Variants in TTC7B observed in about 807,000 individuals in gnomAD.
TTC7B encodes the protein tetratricopeptide repeat protein 7B.
TTC7B carries 28 observed loss-of-function variants against 106.8 expected under a neutral mutation model. The ratio of observed to expected loss-of-function variants is 0.26; its 90% CI spans 0.19 to 0.36. TTC7B has a LOEUF of 0.36. Ranked by LOEUF, TTC7B falls within the 10% of genes least tolerant of loss-of-function variation. The pLI is 1.00. For synonymous variants in TTC7B, 405 were observed against 430.6 expected (o/e 0.94, Z 0.74); for missense variants, 862 against 1,076.4 (o/e 0.80, Z 2.79).
At position 90,527,700 on chromosome 14, in the gene TTC7B, C is replaced by T. The variant is rs563944987; in HGVS notation, c.*13668G>A. On this transcript the variant is annotated 3_prime_UTR_variant, in exon 20 of 20. Transcript: ENST00000328459. ...TCAGCCTCCCGAGTAGCTGGGACTA[C>T]AGGTGTCTGCCACCATGCCCAGCTA... 33 of 151,822 alleles carry T rather than the reference C, an allele frequency of 2.2e-4. No individual in the cohort carries two copies. The highest frequency in any genetic ancestry group is 4.4e-4 in the Non-Finnish European group (30 of 68,024). 9.4% of individuals were successfully genotyped at this position (151,822 alleles called of 1,614,324 possible). A position where few individuals can be genotyped will look rare whatever the true frequency, so the allele number is the denominator to read the frequency against.
At chr14:90,580,139 G>A (rs901189592) in intron 18 of TTC7B, among the ~76,000 whole-genome samples, 3 of 152,260 alleles carry the variant, frequency 2.0e-5, no homozygotes, top group Non-Finnish European at 2.9e-5. Context: ...TAAGCGACAT[G>A]AGGGCAGGGA....
intron 5 of TTC7B, among the ~76,000 whole-genome samples, chr14:90,707,722 T>G (rs778303133): frequency 2.6e-5 from 4 of 152,160 alleles, no homozygotes; most frequent in Admixed American, 6.5e-5. Flanking sequence ...CAAAGCCTAA[T>G]CTAGAGCAAG....
intron 5 of TTC7B, among the ~76,000 whole-genome samples, chr14:90,718,864 G>A (rs78195301): frequency 0.011 from 1,594 of 151,256 alleles, 46 homozygotes; most frequent in Non-Finnish European, 0.017. Flanking sequence ...TGCCCAAGTG[G>A]AACTTAGGTT....
chr14:90,558,962 C>T (rs575760577), intron 19 of TTC7B, among the ~76,000 whole-genome samples: 24 of 152,312 alleles, frequency 1.6e-4, no homozygotes, highest in East Asian at 7.7e-4. Context: ...CATAGGGGCG[C>T]GGAAATGATG....
At chr14:90,798,745 T>A (rs1012689753) in intron 1 of TTC7B, among the ~76,000 whole-genome samples, 11 of 137,092 alleles carry the variant, frequency 8.0e-5, no homozygotes, top group Admixed American at 1.5e-4. Context: ...CGCAATAACA[T>A]GTTTTCTTAT....
chr14:90,698,944 C>A, intron 5 of TTC7B: 1 of 332,912 alleles, frequency 3.0e-6, no homozygotes, highest in Non-Finnish European at 5.8e-6. Flanking sequence ...CTTCCCTTGA[C>A]CTACTTCCAT....
At chr14:90,713,066 T>C (rs1294023086) in intron 5 of TTC7B, among the ~76,000 whole-genome samples, 2 of 152,148 alleles carry the variant, frequency 1.3e-5, no homozygotes, top group African/African-American at 2.4e-5. Flanking sequence ...AACAATCCAA[T>C]TGAAAACAGG....
intron 7 of TTC7B, among the ~76,000 whole-genome samples, chr14:90,682,126 A>G (rs970483239): frequency 1.3e-5 from 2 of 149,650 alleles, no homozygotes; most frequent in African/African-American, 4.9e-5. Context: ...AACATGAATC[A>G]TTTTTTTTTT....
rs1017324425 is a variant in TTC7B, at chr14:90,759,665, G to A, written c.446-14743C>T. Among the ~76,000 whole-genome samples the A allele has an allele frequency of 6.6e-6, 1 of 152,252 alleles. No individual in the cohort carries two copies. Among genetic ancestry groups the A allele is most frequent in the African/African-American group, 2.4e-5 (1 of 41,468 alleles). ...AGCTCGTCGGTGAGTGTAGGCAGAA[G>A]AGGCATTAGACACAAGAGTATTTGT... On this transcript the variant is annotated intron_variant, in intron 3 of 19. Coordinates refer to ENST00000328459, the MANE Select transcript of TTC7B (RefSeq NM_001010854.2). The surrounding 1 kb of genome is among the most constrained non-coding windows in gnomAD (Gnocchi z 4.1).
At chr14:90,610,672 A>T in intron 17 of TTC7B, 70 bp downstream of exon 17, 1 of 1,130,470 alleles carries the variant, frequency 8.8e-7, no homozygotes, top group South Asian at 1.2e-5. Context: ...GTCTCATCCC[A>T]TGTCACTTGG....
chr14:90,720,250 C>T (rs996912685), intron 5 of TTC7B, among the ~76,000 whole-genome samples: 7 of 152,204 alleles, frequency 4.6e-5, no homozygotes, highest in African/African-American at 1.4e-4. Flanking sequence ...AGGAAAACCC[C>T]CCATGACCAC....
Position 90,593,603 on chromosome 14 carries a change from C to T in TTC7B, c.1990G>A (p.Ala664Thr), listed in dbSNP as rs1226973726. The T allele has an allele frequency of 5.6e-6, 9 of 1,610,538 alleles. No homozygotes were observed. The highest frequency in any genetic ancestry group is 7.6e-6 in the Non-Finnish European group (9 of 1,177,942). Residue 664 changes from alanine to threonine, a missense_variant, in exon 18 of 20, where the codon GCA (alanine) becomes ACA (threonine). Ala to Thr is a moderately conservative substitution (Grantham distance 58). Coordinates refer to ENST00000328459, the MANE Select transcript of TTC7B (RefSeq NM_001010854.2). The stretch of plus-strand genomic sequence containing the variant: ...AGTGCCTGCTCCACTCTTGAGGCTG[C>T]TACCGATGTGGCATGGACGGAGCCT... ...ETGSVHATSV[A>T]ASRVEQALSE...
rs989881913 is a variant in TTC7B, at chr14:90,538,095, A to G, written c.*3273T>C. On this transcript the variant is annotated 3_prime_UTR_variant, in exon 20 of 20. Coordinates refer to ENST00000328459, the MANE Select transcript of TTC7B (RefSeq NM_001010854.2). ...ATCTCACTGTCCAAAAAATGCCTCC[A>G]CTGGGCAGACCTGGGCACTTTTGAA... 1.3e-5 allele frequency: 2 copies of G among 152,258 alleles called. No homozygotes were observed. Among genetic ancestry groups the G allele is most frequent in the African/African-American group, 4.8e-5 (2 of 41,462 alleles). The allele number at this position is 152,258 out of a possible 1,614,324, so 9.4% of individuals were successfully genotyped here.
chr14:90,624,077 T>C lies in TTC7B; in HGVS notation c.1752-6032A>G, dbSNP rs945288571. On this transcript the variant is annotated intron_variant, in intron 15 of 19. Coordinates refer to ENST00000328459, the MANE Select transcript of TTC7B (RefSeq NM_001010854.2). This position sits in a 1 kb window ranked among gnomAD's most constrained non-coding sequence, Gnocchi z 4.0. ...ACCCATGAGTGTGCCTGTATGCATA[T>C]GCGTGTGCGTGTATATGTGTGCATG... Among the ~76,000 whole-genome samples the C allele has an allele frequency of 2.0e-5, 3 of 152,110 alleles. No homozygotes were observed. The highest frequency in any genetic ancestry group is 2.0e-4 in the Admixed American group (3 of 15,264).
intron 5 of TTC7B, among the ~76,000 whole-genome samples, chr14:90,707,143 A>G (rs942927571): frequency 1.3e-5 from 2 of 152,226 alleles, no homozygotes; most frequent in African/African-American, 4.8e-5. Context: ...TCCGTGTTAT[A>G]TGAGAAGTTT....
At chr14:90,675,049 C>A in intron 9 of TTC7B, 1 of 152,334 alleles carries the variant, frequency 6.6e-6, no homozygotes. Context: ...GCAGAGGAAA[C>A]CACCAGGGTG....
At chr14:90,717,779 G>A (rs1313003038) in intron 5 of TTC7B, among the ~76,000 whole-genome samples, 2 of 152,232 alleles carry the variant, frequency 1.3e-5, no homozygotes, top group South Asian at 2.1e-4. Flanking sequence ...ACCTAAACCC[G>A]GGAAGGGAAA....
chr14:90,542,481 G>A (rs1430195394), intron 19 of TTC7B, among the ~76,000 whole-genome samples: 1 of 152,130 alleles, frequency 6.6e-6, no homozygotes, highest in Non-Finnish European at 1.5e-5. Context: ...AGCGATGCGT[G>A]TACTCGCTCA....
At chr14:90,700,780 C>T (rs1385063234) in intron 5 of TTC7B, among the ~76,000 whole-genome samples, 1 of 97,408 alleles carries the variant, frequency 1.0e-5, no homozygotes, top group African/African-American at 3.8e-5. Context: ...AGATACATAC[C>T]ATGTATCTTC....
Sources: gnomAD v4.1 joint callset for allele counts (sites outside exome capture counted in the v4.1 genomes callset) on GRCh38, gnomAD v4.1.1 for gene constraint, Gnocchi (gnomAD v3.1) non-coding constraint, MANE v1.5 for transcripts, NCBI Gene and HGNC (gene_info 2026-07-23, HGNC 2026-07-21) for gene names.